The following AHRR variants were observed in gnomAD, a reference collection of about 807,000 sequenced individuals.
AHRR encodes the protein ahR repressor.
A neutral mutation model predicts 44.0 loss-of-function variants in AHRR; 28 were observed. The ratio of observed to expected loss-of-function variants is 0.64; its 90% CI spans 0.47 to 0.87. AHRR has a LOEUF of 0.87. AHRR is among the 40% of genes least tolerant of loss of function. The probability of loss-of-function intolerance (pLI) is 0.00; values close to 1 mark genes in which losing one functional copy is unlikely to be tolerated. For synonymous variants in AHRR, 434 were observed against 407.0 expected (o/e 1.07, Z -0.80); for missense variants, 990 against 953.9 (o/e 1.04, Z -0.50).
intron 1 of AHRR, among the ~76,000 whole-genome samples, chr5:328,201 A>G (rs914720286): frequency 6.8e-6 from 1 of 147,084 alleles, no homozygotes; most frequent in Non-Finnish European, 1.5e-5. Context: ...ACTAGTTTAC[A>G]TTCCCGCCAA....
intron 5 of AHRR, among the ~76,000 whole-genome samples, chr5:415,327 A>G (rs1035745441): frequency 0.065 from 7,724 of 119,056 alleles, 147 homozygotes; most frequent in Non-Finnish European, 0.091. Context: ...TAGGGGCCGA[A>G]TCTGCCTGGT....
chr5:353,273 T>C (rs1370083627), intron 2 of AHRR, among the ~76,000 whole-genome samples: 1 of 152,166 alleles, frequency 6.6e-6, no homozygotes, highest in Non-Finnish European at 1.5e-5. Flanking sequence ...GACCTTTTCA[T>C]GTTTCCTGGA....
chr5:429,519 T>C (rs971928455), intron 8 of AHRR, among the ~76,000 whole-genome samples: 6 of 151,922 alleles, frequency 3.9e-5, no homozygotes, highest in African/African-American at 1.4e-4. Context: ...CCCCGGGTCC[T>C]TGGCTGTCGG....
rs1742191919 is a variant in AHRR, at chr5:337,714, GGGAGGCCCCTAA to G, written c.-10-6174_-10-6163del. On this transcript the variant is annotated intron_variant, in intron 1 of 10. Coordinates refer to ENST00000684583, the MANE Select transcript of AHRR (RefSeq NM_001377236.1). This position sits in a 1 kb window ranked among gnomAD's most constrained non-coding sequence, Gnocchi z 4.1. ...ACTCTGGATGGTGCTCCGGGGCTGC[GGGAGGCCCCTAA>G]GGAGTGCGCTTGGAAGGGGGCTCCC... Among the ~76,000 whole-genome samples the G allele has an allele frequency of 6.6e-6, 1 of 152,150 alleles. No homozygotes were observed. Among genetic ancestry groups the G allele is most frequent in the South Asian group, 2.1e-4 (1 of 4,830 alleles).
intron 2 of AHRR, 29 bp downstream of exon 2, chr5:343,993 G>C (rs1342120301): frequency 6.3e-7 from 1 of 1,587,658 alleles, no homozygotes. Context: ...TGCTTGTGTG[G>C]GTTGTTGCAC....
At chr5:398,652 G>C (rs1316607764) in intron 4 of AHRR, among the ~76,000 whole-genome samples, 1 of 152,220 alleles carries the variant, frequency 6.6e-6, no homozygotes, top group Non-Finnish European at 1.5e-5. Flanking sequence ...CCGGGTTTCA[G>C]GCGCCGTGCG....
intron 1 of AHRR, among the ~76,000 whole-genome samples, chr5:328,569 A>G (rs1457499462): frequency 6.6e-6 from 1 of 152,120 alleles, no homozygotes; most frequent in African/African-American, 2.4e-5. Context: ...AATAATAGCC[A>G]TTCTGACTGG....
intron 3 of AHRR, among the ~76,000 whole-genome samples, chr5:375,915 C>G (rs1490616788): frequency 6.6e-6 from 1 of 152,218 alleles, no homozygotes; most frequent in Admixed American, 6.5e-5. Flanking sequence ...ATGGAGAATG[C>G]ACCATCCTCA....
chr5:347,996 A>G (rs1742736021), intron 2 of AHRR, among the ~76,000 whole-genome samples: 1 of 152,188 alleles, frequency 6.6e-6, no homozygotes, highest in Non-Finnish European at 1.5e-5. Flanking sequence ...TGGCTGGTAA[A>G]GGCTGTGGAG....
chr5:363,185 G>A (rs1743238698), intron 3 of AHRR, among the ~76,000 whole-genome samples: 3 of 152,214 alleles, frequency 2.0e-5, no homozygotes, highest in African/African-American at 7.2e-5. Flanking sequence ...GGTAGCTATG[G>A]CTTCCAACCC....
Position 376,655 on chromosome 5 carries a change from C to T in AHRR, c.290C>T (p.Ser97Leu), listed in dbSNP as rs748063530. Residue 97 changes from serine (S) to leucine (L), a missense_variant, in exon 4 of 11, where the codon TCG becomes TTG. Physicochemically the swap from Ser to Leu is moderately radical, Grantham distance 145. Coordinates refer to ENST00000684583, the MANE Select transcript of AHRR (RefSeq NM_001377236.1). ...CGGCAGCCTGCGGCCGGCGCCCCCT[C>T]GCCCGGAGACAGCTGTCCTCTTGCA... ...SSRQPAAGAP[S>L]PGDSCPLAGS... The T allele has an allele frequency of 1.6e-5, 21 of 1,278,170 alleles. No individual in the cohort carries two copies. The highest frequency in any genetic ancestry group is 4.0e-5 in the South Asian group (3 of 75,216). The allele number at this position is 1,278,170 out of a possible 1,614,324, so 79.2% of individuals were successfully genotyped here. A position where few individuals can be genotyped will look rare whatever the true frequency, so the allele number is the denominator to read the frequency against.
At chr5:360,681 G>GA (rs1560891157) in intron 3 of AHRR, among the ~76,000 whole-genome samples, 1 of 152,206 alleles carries the variant, frequency 6.6e-6, no homozygotes, top group East Asian at 1.9e-4. Context: ...TTCTGGTGAG[G>GA]AATGTGCCCG....
chr5:430,346 G>A (rs1461197624), intron 8 of AHRR, among the ~76,000 whole-genome samples: 1 of 152,138 alleles, frequency 6.6e-6, no homozygotes, highest in Non-Finnish European at 1.5e-5. Flanking sequence ...ATTCACACCC[G>A]TGCCCTCCGT....
chr5:409,842 A>T (rs1196152826), intron 4 of AHRR, among the ~76,000 whole-genome samples: 4 of 151,858 alleles, frequency 2.6e-5, no homozygotes, highest in African/African-American at 9.7e-5. Context: ...ACCCAAATCT[A>T]CCTACCTCAG....
intron 4 of AHRR, chr5:403,941 T>C (rs570889379): frequency 7.5e-5 from 111 of 1,471,754 alleles, no homozygotes; most frequent in Middle Eastern, 4.7e-4. Context: ...TTTGATGAAA[T>C]ATCTCCTCCA....
chr5:347,405 C>T (rs1172935365), intron 2 of AHRR, among the ~76,000 whole-genome samples: 1 of 152,190 alleles, frequency 6.6e-6, no homozygotes, highest in African/African-American at 2.4e-5. Context: ...GCTAATTTTA[C>T]ATCACGATTA....
chr5:428,075 C>G lies in AHRR; in HGVS notation c.908+69C>G, dbSNP rs970993862. On this transcript the variant is annotated intron_variant, in intron 8 of 10. Coordinates refer to ENST00000684583, the MANE Select transcript of AHRR (RefSeq NM_001377236.1). ...GGCCCCCACAAAACACCTCCACACT[C>G]AGTGTTTTCTGTGTCTTCTTTCTTC... 8.1e-6 allele frequency: 12 copies of G among 1,486,594 alleles called. No individual in the cohort carries two copies. In the African/African-American group the frequency reaches 1.4e-4, roughly 17 times the overall value. 92.1% of individuals were successfully genotyped at this position (1,486,594 alleles called of 1,614,324 possible). A position where few individuals can be genotyped will look rare whatever the true frequency, so the allele number is the denominator to read the frequency against.
chr5:377,700 A>G (rs1371369768), intron 4 of AHRR, among the ~76,000 whole-genome samples: 3 of 151,962 alleles, frequency 2.0e-5, no homozygotes, highest in African/African-American at 7.3e-5. Flanking sequence ...AGCTCGCTCT[A>G]CTCTGTCCCC....
intron 3 of AHRR, among the ~76,000 whole-genome samples, chr5:367,172 G>C (rs1174752783): frequency 6.6e-6 from 1 of 152,164 alleles, no homozygotes; most frequent in Non-Finnish European, 1.5e-5. Flanking sequence ...GTGAGTCCCT[G>C]GGGGGTCGCC....
Sources: gnomAD v4.1 joint callset for allele counts (sites outside exome capture counted in the v4.1 genomes callset) on GRCh38, gnomAD v4.1.1 for gene constraint, Gnocchi (gnomAD v3.1) non-coding constraint, MANE v1.5 for transcripts, NCBI Gene and HGNC (gene_info 2026-07-23, HGNC 2026-07-21) for gene names.